DLG1: variants seen among roughly 807,000 people sequenced by gnomAD.
The protein encoded by DLG1 is disks large homolog 1.
In DLG1, 42 loss-of-function variants were observed where a neutral mutation model predicts 123.4. The ratio of observed to expected loss-of-function variants is 0.34; its 90% confidence interval spans 0.27 to 0.44. DLG1 has a LOEUF of 0.44. Ranked by LOEUF, DLG1 falls within the 20% of genes least tolerant of loss-of-function variation. The pLI, the probability that DLG1 is intolerant of heterozygous loss-of-function variation, is 1.00. For missense variants in DLG1, 942 were observed against 1,082.6 expected (o/e 0.87, Z 1.82); for synonymous variants, 317 against 356.2 (o/e 0.89, Z 1.24).
At chr3:197,169,712 T>C (rs549263684) in intron 5 of DLG1, among the ~76,000 whole-genome samples, 1 of 152,244 alleles carries the variant, frequency 6.6e-6, no homozygotes, top group East Asian at 1.9e-4. Context: ...ATGAAGGGGG[T>C]AAACTGACCT....
At chr3:197,266,848 C>A (rs1761904555) in intron 4 of DLG1, among the ~76,000 whole-genome samples, 1 of 152,026 alleles carries the variant, frequency 6.6e-6, no homozygotes, top group Non-Finnish European at 1.5e-5. Flanking sequence ...AACCAATATA[C>A]AAGTACTGGA....
intron 5 of DLG1, among the ~76,000 whole-genome samples, chr3:197,159,358 T>C (rs1381933243): frequency 6.6e-6 from 1 of 152,168 alleles, no homozygotes; most frequent in African/African-American, 2.4e-5. Flanking sequence ...AAAGTTTTCA[T>C]CTATGTATCT....
At chr3:197,125,909 A>G (rs565456055) in intron 11 of DLG1, among the ~76,000 whole-genome samples, 56 of 152,364 alleles carry the variant, frequency 3.7e-4, no homozygotes, top group African/African-American at 1.3e-3. Flanking sequence ...GAGTAAGCTG[A>G]ATAGCCTGAC....
At chr3:197,156,569 T>C (rs2149827354) in intron 5 of DLG1, among the ~76,000 whole-genome samples, 1 of 152,286 alleles carries the variant, frequency 6.6e-6, no homozygotes, top group Middle Eastern at 3.4e-3. Context: ...AGACTCACTG[T>C]AGATCCAGAG....
At chr3:197,120,629 T>A (rs1239074089) in intron 11 of DLG1, among the ~76,000 whole-genome samples, 12 of 152,208 alleles carry the variant, frequency 7.9e-5, no homozygotes, top group Non-Finnish European at 1.8e-4. Context: ...GGAAGCAGCA[T>A]ACTACGCACT....
intron 5 of DLG1, among the ~76,000 whole-genome samples, chr3:197,170,848 G>A (rs1196263910): frequency 6.6e-6 from 1 of 152,048 alleles, no homozygotes; most frequent in Non-Finnish European, 1.5e-5. Context: ...GTCTTCTTAG[G>A]TTGTCTTATA....
At chr3:197,066,058 G>A (rs775480493) in intron 20 of DLG1, among the ~76,000 whole-genome samples, 2 of 152,072 alleles carry the variant, frequency 1.3e-5, no homozygotes, top group African/African-American at 2.4e-5. Context: ...TGGTGTTTTC[G>A]CAGATAATGT....
At chr3:197,275,204 A>G (rs1765838403) in intron 4 of DLG1, among the ~76,000 whole-genome samples, 1 of 151,966 alleles carries the variant, frequency 6.6e-6, no homozygotes, top group Non-Finnish European at 1.5e-5. Flanking sequence ...AAAAAAGAAA[A>G]AAGATATTCT....
intron 4 of DLG1, among the ~76,000 whole-genome samples, chr3:197,199,728 C>T (rs1724622924): frequency 6.6e-6 from 1 of 152,222 alleles, no homozygotes; most frequent in East Asian, 1.9e-4. Flanking sequence ...AAAGGTTTAT[C>T]TCAGCCTATT....
Position 197,274,907 on chromosome 3 carries a change from T to C in DLG1, c.318+7772A>G, listed in dbSNP as rs149248707. On this transcript the variant is annotated intron_variant, in intron 4 of 24. Coordinates refer to ENST00000667157, the MANE Select transcript of DLG1 (RefSeq NM_001366207.1). Reference sequence around the variant, plus strand: ...AATGGAAATCAAAACCATAATAAGCTGGGCACGGTGGCTCACGCCTGTAAT... The same window carrying C: ...AATGGAAATCAAAACCATAATAAGCCGGGCACGGTGGCTCACGCCTGTAAT... 6.0e-3 allele frequency among the ~76,000 whole-genome samples: 913 copies of C among 152,226 alleles called. 5 individuals are homozygous for C. The highest frequency in any genetic ancestry group is 0.022 in the South Asian group (105 of 4,824).
chr3:197,065,744 A>G lies in DLG1; in HGVS notation c.2164T>C (p.Ser722Pro). ...MKDRINDDLI[S>P]EFPDKFGSCV... Reference sequence around the variant, plus strand: ...GATCCAAATTTGTCAGGAAATTCTGAGATCAAGTCATCATTTATCCTGTCT... The same window carrying G: ...GATCCAAATTTGTCAGGAAATTCTGGGATCAAGTCATCATTTATCCTGTCT... Residue 722 changes from serine to proline, a missense_variant, in exon 21 of 25, where the codon TCA becomes CCA. Transcript: ENST00000667157. 6.2e-7 allele frequency: 1 copy of G among 1,612,508 alleles called. No homozygotes were observed. Among genetic ancestry groups the G allele is most frequent in the Non-Finnish European group, 8.5e-7 (1 of 1,179,052 alleles).
intron 15 of DLG1, among the ~76,000 whole-genome samples, chr3:197,088,502 A>G (rs1456734050): frequency 6.6e-6 from 1 of 152,180 alleles, no homozygotes. Context: ...TTTTCGCAGG[A>G]ATTTACTGGA....
Position 197,094,573 on chromosome 3 carries a change from T to A in DLG1, c.1547-3547A>T, listed in dbSNP as rs370786827. On this transcript the variant is annotated intron_variant, in intron 14 of 24. Coordinates refer to ENST00000667157, the MANE Select transcript of DLG1 (RefSeq NM_001366207.1). ...AATTCTGTCCCCATTTTCTAATAAT[T>A]GTACCTTATCAAAATTGTCAGAGCA... Among the ~76,000 whole-genome samples, 217 of 152,324 alleles carry A rather than the reference T, an allele frequency of 1.4e-3. 2 individuals carry two copies. Among genetic ancestry groups the A allele is most frequent in the African/African-American group, 4.9e-3 (203 of 41,572 alleles).
At chr3:197,226,953 T>C (rs1157910959) in intron 4 of DLG1, among the ~76,000 whole-genome samples, 1 of 152,260 alleles carries the variant, frequency 6.6e-6, no homozygotes, top group Admixed American at 6.5e-5. Flanking sequence ...ATTTTATATT[T>C]AAAATCTTGC....
intron 5 of DLG1, among the ~76,000 whole-genome samples, chr3:197,154,063 G>C (rs978716966): frequency 7.3e-5 from 11 of 151,344 alleles, no homozygotes; most frequent in African/African-American, 2.7e-4. Context: ...AGCACTTTGG[G>C]AGGCTGAGGC....
At position 197,138,244 on chromosome 3, in the gene DLG1, T is replaced by A. The variant is rs747822027; in HGVS notation, c.861A>T (p.Ile287=). 1 of 1,600,930 alleles carries A rather than the reference T, an allele frequency of 6.2e-7. No individual in the cohort carries two copies. Residue 287 remains isoleucine, a synonymous_variant, in exon 9 of 25, where the codon ATA becomes ATT. Transcript: ENST00000667157. ...RKPVSEKIME[I]KLIKGPKGLG... is the part of the protein sequence containing the mutation. ...TACCTTTAGGACCTTTAATGAGCTTTATTTCCATTATTTTTTCTGACACTG... is the reference window on the plus strand; with the variant it reads ...TACCTTTAGGACCTTTAATGAGCTTAATTTCCATTATTTTTTCTGACACTG...
At chr3:197,290,078 A>G (rs1048791605) in intron 3 of DLG1, among the ~76,000 whole-genome samples, 1 of 152,200 alleles carries the variant, frequency 6.6e-6, no homozygotes, top group Non-Finnish European at 1.5e-5. Context: ...AGGGCATCTC[A>G]TAAGGACACA....
intron 1 of DLG1, chr3:197,297,565 T>A: frequency 1.9e-6 from 2 of 1,057,834 alleles, no homozygotes; most frequent in Non-Finnish European, 2.3e-6. Context: ...TACGGGCGGG[T>A]GAAGCGCTCC....
At chr3:197,074,851 A>T (rs1233845858) in intron 18 of DLG1, among the ~76,000 whole-genome samples, 1 of 152,104 alleles carries the variant, frequency 6.6e-6, no homozygotes, top group East Asian at 1.9e-4. Flanking sequence ...AAATCAGAAA[A>T]ATGTCTTATG....
Sources: gnomAD v4.1 joint callset for allele counts (sites outside exome capture counted in the v4.1 genomes callset) on GRCh38, gnomAD v4.1.1 for gene constraint, MANE v1.5 for transcripts, NCBI Gene and HGNC (gene_info 2026-07-23, HGNC 2026-07-21) for gene names.